PPP1CB: variants seen among roughly 807,000 people sequenced by gnomAD.
The protein encoded by PPP1CB is serine/threonine-protein phosphatase PP1-beta catalytic subunit.
In PPP1CB, 2 loss-of-function variants were observed where a neutral mutation model predicts 43.7. The observed-to-expected ratio is 0.05, with a 90% CI of 0.02 to 0.14. PPP1CB has a LOEUF of 0.14. Ranked by LOEUF, PPP1CB falls within the 10% of genes least tolerant of loss-of-function variation. The pLI, the probability that PPP1CB is intolerant of heterozygous loss-of-function variation, is 1.00. For synonymous variants in PPP1CB, 136 were observed against 135.6 expected (o/e 1.00, Z -0.02); for missense variants, 84 against 398.0 (o/e 0.21, Z 6.71).
chr2:28,780,242 C>T (rs908798588), intron 3 of PPP1CB, among the ~76,000 whole-genome samples: 18 of 152,120 alleles, frequency 1.2e-4, no homozygotes, highest in African/African-American at 3.6e-4. Context: ...GCATGTACCA[C>T]GTTCCCTGGC....
At chr2:28,758,345 G>C (rs1245919249) in intron 1 of PPP1CB, among the ~76,000 whole-genome samples, 2 of 152,188 alleles carry the variant, frequency 1.3e-5, no homozygotes, top group Non-Finnish European at 2.9e-5. Context: ...AAGATTCTTA[G>C]AAATACTGAC....
At chr2:28,760,816 T>C (rs1666625864) in intron 1 of PPP1CB, among the ~76,000 whole-genome samples, 2 of 152,238 alleles carry the variant, frequency 1.3e-5, no homozygotes, top group South Asian at 4.1e-4. Context: ...TAGGTACTTG[T>C]ATGTTTCCTC....
At chr2:28,797,607 C>T (rs1162643585) in intron 7 of PPP1CB, among the ~76,000 whole-genome samples, 1 of 151,930 alleles carries the variant, frequency 6.6e-6, no homozygotes, top group Non-Finnish European at 1.5e-5. Flanking sequence ...TTCATTTATT[C>T]TAGGTTTCCT....
At position 28,779,865 on chromosome 2, in the gene PPP1CB, G is replaced by A. The variant is rs969738560; in HGVS notation, c.415+826G>A. On this transcript the variant is annotated intron_variant, in intron 3 of 7. Transcript: ENST00000395366. The stretch of plus-strand genomic sequence containing the variant: ...GCAGGCACTATTGTGAACACAGTGC[G>A]TGAAGCAATACACAATACAGATGAT... Among the ~76,000 whole-genome samples the A allele has an allele frequency of 7.2e-5, 11 of 152,198 alleles. 1 individual carries two copies. The highest frequency in any genetic ancestry group is 5.2e-4 in the Admixed American group (8 of 15,286).
chr2:28,756,112 C>G (rs1434179045), intron 1 of PPP1CB, among the ~76,000 whole-genome samples: 1 of 152,170 alleles, frequency 6.6e-6, no homozygotes, highest in Admixed American at 6.5e-5. Flanking sequence ...AGTATTACAT[C>G]ATGAACATTT....
intron 1 of PPP1CB, among the ~76,000 whole-genome samples, chr2:28,760,087 T>C (rs1298345717): frequency 2.0e-5 from 3 of 152,190 alleles, no homozygotes; most frequent in African/African-American, 7.2e-5. Flanking sequence ...ATAGTGTTAC[T>C]GATGATCCTG....
At chr2:28,774,350 G>C (rs893209320) in intron 1 of PPP1CB, among the ~76,000 whole-genome samples, 48 of 152,312 alleles carry the variant, frequency 3.2e-4, no homozygotes, top group African/African-American at 1.1e-3. Flanking sequence ...TGTTGAATGA[G>C]TTAATACAGT....
chr2:28,779,472 A>C (rs1430135742), intron 3 of PPP1CB, among the ~76,000 whole-genome samples: 1 of 152,182 alleles, frequency 6.6e-6, no homozygotes, highest in Non-Finnish European at 1.5e-5. Context: ...TTAGAATTTA[A>C]ATCTATGTCT....
chr2:28,789,400 G>A lies in PPP1CB; in HGVS notation c.744+591G>A, dbSNP rs186938022. ...GGTGCGTGCCTGTGGTCCCAGCTAC[G>A]TGGGAGGCTGAGGTGGGAGGATCGC... On this transcript the variant is annotated intron_variant, in intron 6 of 7. Coordinates refer to ENST00000395366, the MANE Select transcript of PPP1CB (RefSeq NM_002709.3). 3.8e-3 allele frequency among the ~76,000 whole-genome samples: 577 copies of A among 151,558 alleles called. 3 individuals carry two copies. The highest frequency in any genetic ancestry group is 0.026 in the East Asian group (133 of 5,052).
At chr2:28,777,835 G>A (rs563518102) in intron 2 of PPP1CB, among the ~76,000 whole-genome samples, 6 of 152,246 alleles carry the variant, frequency 3.9e-5, no homozygotes, top group African/African-American at 1.2e-4. Context: ...TGTATTTTTA[G>A]TAGAGACAGG....
chr2:28,760,797 G>T (rs1666625079), intron 1 of PPP1CB, among the ~76,000 whole-genome samples: 1 of 152,166 alleles, frequency 6.6e-6, no homozygotes, highest in South Asian at 2.1e-4. Context: ...AATTAAGAAG[G>T]AATCTTTATA....
intron 1 of PPP1CB, among the ~76,000 whole-genome samples, chr2:28,775,905 C>G (rs1411008071): frequency 2.6e-5 from 4 of 152,116 alleles, no homozygotes; most frequent in Non-Finnish European, 5.9e-5. Context: ...GCAAAGATGC[C>G]TCACTCCATC....
At chr2:28,761,125 T>C (rs10865507) in intron 1 of PPP1CB, among the ~76,000 whole-genome samples, 99,814 of 151,994 alleles carry the variant, frequency 0.66, 33,554 homozygotes, top group African/African-American at 0.74. Flanking sequence ...CACCTGACCT[T>C]GTGATTTGCC....
chr2:28,766,588 T>G (rs901159397), intron 1 of PPP1CB, among the ~76,000 whole-genome samples: 3 of 152,214 alleles, frequency 2.0e-5, no homozygotes, highest in Admixed American at 6.5e-5. Flanking sequence ...CCACATAGAT[T>G]ATTTATAGAG....
chr2:28,759,817 C>G (rs1666598586), intron 1 of PPP1CB, among the ~76,000 whole-genome samples: 1 of 152,036 alleles, frequency 6.6e-6, no homozygotes. Flanking sequence ...CGGGGTTTCA[C>G]CGTGTTAGCC....
rs1667591239 is a variant in PPP1CB, at chr2:28,800,454, T to G, written c.*1151T>G. On this transcript the variant is annotated 3_prime_UTR_variant, in exon 8 of 8. Coordinates refer to ENST00000395366, the MANE Select transcript of PPP1CB (RefSeq NM_002709.3). Reference sequence around the variant, plus strand: ...TGAATGTTGTATACGATTGTAAGGCTTATGTCACTAAAGATTTTTATTCTG... The same window carrying G: ...TGAATGTTGTATACGATTGTAAGGCGTATGTCACTAAAGATTTTTATTCTG... 6.6e-6 allele frequency: 1 copy of G among 152,452 alleles called. No homozygotes were observed. 9.4% of individuals were successfully genotyped at this position (152,452 alleles called of 1,614,324 possible).
intron 5 of PPP1CB, among the ~76,000 whole-genome samples, chr2:28,787,315 C>T (rs891950700): frequency 4.6e-5 from 7 of 152,060 alleles, no homozygotes; most frequent in African/African-American, 1.2e-4. Context: ...AAAAATTAGC[C>T]GGGCGTGGTA....
rs2148066165 is a variant in PPP1CB at position 28,802,051 on chromosome 2, T to A, written c.*2748T>A. On this transcript the variant is annotated 3_prime_UTR_variant, in exon 8 of 8. Transcript: ENST00000395366. ...AGTACCTAAACATTCGTGAAATGATTTTTTTTAGCTGAAAAATGCTGGCAA... is the reference window on the plus strand; with the variant it reads ...AGTACCTAAACATTCGTGAAATGATATTTTTTAGCTGAAAAATGCTGGCAA... The A allele has an allele frequency of 6.6e-6, 1 of 152,290 alleles. No individual in the cohort carries two copies. The highest frequency in any genetic ancestry group is 1.9e-4 in the East Asian group (1 of 5,186). The allele number at this position is 152,290 out of a possible 1,614,324, so 9.4% of individuals were successfully genotyped here. A position where few individuals can be genotyped will look rare whatever the true frequency, so the allele number is the denominator to read the frequency against.
At chr2:28,772,160 T>C (rs529957301) in intron 1 of PPP1CB, among the ~76,000 whole-genome samples, 28 of 151,986 alleles carry the variant, frequency 1.8e-4, no homozygotes, top group Non-Finnish European at 3.8e-4. Context: ...CTACAAAAAT[T>C]AGCTGGGCAT....
Sources: allele counts gnomAD v4.1 joint callset (sites outside exome capture counted in the v4.1 genomes callset), GRCh38; gene constraint gnomAD v4.1.1; transcripts MANE v1.5; gene names NCBI Gene and HGNC (gene_info 2026-07-23, HGNC 2026-07-21).